The following ANO3 variants were observed in gnomAD, a reference collection of about 807,000 sequenced individuals.
ANO3 encodes anoctamin-3.
ANO3 carries 99 observed loss-of-function variants against 144.8 expected under a neutral mutation model. The observed-to-expected ratio is 0.68, with a 90% CI of 0.58 to 0.81. The LOEUF is 0.81. ANO3 is among the 30% of genes least tolerant of loss of function. The pLI is 0.00. For synonymous variants in ANO3, 414 were observed against 392.6 expected (o/e 1.05, Z -0.64); for missense variants, 905 against 1,202.2 (o/e 0.75, Z 3.66).
At chr11:26,460,170 ATTAT>A (rs1165830846) in intron 3 of ANO3, 1 of 397,594 alleles carries the variant, frequency 2.5e-6, no homozygotes, top group South Asian at 1.9e-5. Context: ...ATACTCTAAT[ATTAT>A]TTGTTTTCTT....
chr11:26,435,096 C>T (rs568130685), intron 1 of ANO3, among the ~76,000 whole-genome samples: 40 of 152,122 alleles, frequency 2.6e-4, no homozygotes, highest in African/African-American at 1.7e-4. Flanking sequence ...TGAATCTGGG[C>T]GCTCCTATTT....
intron 15 of ANO3, 28 bp downstream of exon 15, chr11:26,598,475 G>T: frequency 1.4e-6 from 2 of 1,471,682 alleles, no homozygotes; most frequent in South Asian, 1.2e-5. Flanking sequence ...AAGGAAATAG[G>T]GAAACTGGGC....
intron 4 of ANO3, among the ~76,000 whole-genome samples, chr11:26,493,394 G>T (rs964229383): frequency 6.6e-6 from 1 of 151,986 alleles, no homozygotes; most frequent in Non-Finnish European, 1.5e-5. Context: ...ACAGTTCCAG[G>T]GCCAATATTG....
chr11:26,597,562 A>C (rs1851671722), intron 14 of ANO3, among the ~76,000 whole-genome samples: 1 of 152,156 alleles, frequency 6.6e-6, no homozygotes, highest in Admixed American at 6.5e-5. Context: ...GACAGCAAGC[A>C]AAAGCTCAGC....
At position 26,237,589 on chromosome 11, in the gene ANO3, T is replaced by C. The variant is rs577710167; in HGVS notation, c.154+48259T>C. On this transcript the variant is annotated intron_variant, in intron 1 of 27. Coordinates refer to the ANO3 transcript ENST00000672621. Reference sequence around the variant, plus strand: ...TGATTCTAAAATGTATCTGAAGATTTTGTTCTTCTAAATAAGCATTAGCCA... The same window carrying C: ...TGATTCTAAAATGTATCTGAAGATTCTGTTCTTCTAAATAAGCATTAGCCA... Among the ~76,000 whole-genome samples, 12 of 152,090 alleles carry C rather than the reference T, an allele frequency of 7.9e-5. No individual in the cohort carries two copies. The East Asian group carries it at 1.9e-3, about 24-fold the overall frequency.
chr11:26,547,671 C>G, intron 12 of ANO3, 121 bp downstream of exon 12: 1 of 1,004,638 alleles, frequency 1.0e-6, no homozygotes, highest in Non-Finnish European at 1.4e-6. Context: ...AATTTATTTG[C>G]TATTTCTGTT....
intron 1 of ANO3, among the ~76,000 whole-genome samples, chr11:26,341,726 C>T (rs1472964410): frequency 1.3e-5 from 2 of 152,104 alleles, no homozygotes; most frequent in Admixed American, 1.3e-4. Context: ...AGTCCGAGTC[C>T]CAAAACCTCA....
chr11:26,505,811 A>C (rs978729429), intron 4 of ANO3, among the ~76,000 whole-genome samples: 1 of 151,716 alleles, frequency 6.6e-6, no homozygotes, highest in African/African-American at 2.4e-5. Flanking sequence ...TGTCTACTAA[A>C]AATCCAAAAA....
chr11:26,311,883 G>T (rs1008112122), intron 1 of ANO3, among the ~76,000 whole-genome samples: 1 of 152,064 alleles, frequency 6.6e-6, no homozygotes, highest in Admixed American at 6.6e-5. Flanking sequence ...AAGTTCTAGG[G>T]TACATGTGCA....
chr11:26,386,423 A>G (rs1000440951), intron 1 of ANO3, among the ~76,000 whole-genome samples: 4 of 152,168 alleles, frequency 2.6e-5, no homozygotes, highest in African/African-American at 9.7e-5. Flanking sequence ...GGAGGGAGGA[A>G]GTTTAATGAG....
intron 1 of ANO3, among the ~76,000 whole-genome samples, chr11:26,340,998 C>A (rs540035027): frequency 5.3e-5 from 8 of 152,192 alleles, no homozygotes; most frequent in African/African-American, 1.7e-4. Context: ...CAAATGCTGT[C>A]AATTCTTTAT....
intron 1 of ANO3, among the ~76,000 whole-genome samples, chr11:26,246,704 T>C (rs988521563): frequency 6.6e-5 from 10 of 152,054 alleles, no homozygotes; most frequent in African/African-American, 2.2e-4. Context: ...AATCCTCGTG[T>C]GTGGCAGAGA....
intron 4 of ANO3, among the ~76,000 whole-genome samples, chr11:26,476,928 TGTGTGA>T (rs765377893): frequency 2.0e-3 from 294 of 145,784 alleles, no homozygotes; most frequent in Middle Eastern, 0.014. Flanking sequence ...TGTGTGTGTG[TGTGTGA>T]GAGAGAGAGA....
intron 8 of ANO3, 37 bp from the exon 9 acceptor site, chr11:26,534,419 T>C (rs1849451439): frequency 7.3e-7 from 1 of 1,374,504 alleles, no homozygotes; most frequent in Non-Finnish European, 1.0e-6. Flanking sequence ...TTCTGTGTTC[T>C]GCTTTGAATA....
At chr11:26,551,567 C>G (rs556008510) in intron 12 of ANO3, among the ~76,000 whole-genome samples, 1 of 151,934 alleles carries the variant, frequency 6.6e-6, no homozygotes, top group Non-Finnish European at 1.5e-5. Context: ...AGACTTGGTG[C>G]TTCAATAAAT....
intron 1 of ANO3, among the ~76,000 whole-genome samples, chr11:26,282,765 T>C (rs1853708638): frequency 1.3e-5 from 2 of 152,174 alleles, no homozygotes; most frequent in Admixed American, 6.5e-5. Context: ...CTCAGTAGTC[T>C]TAAATTTGGG....
intron 1 of ANO3, among the ~76,000 whole-genome samples, chr11:26,241,583 T>G (rs1299223578): frequency 6.6e-6 from 1 of 152,190 alleles, no homozygotes; most frequent in Non-Finnish European, 1.5e-5. Context: ...TACTGTTTAG[T>G]AAGAAAGATA....
chr11:26,259,104 G>T (rs768367528), intron 1 of ANO3, among the ~76,000 whole-genome samples: 1 of 152,106 alleles, frequency 6.6e-6, no homozygotes, highest in African/African-American at 2.4e-5. Context: ...TATTCCTCTG[G>T]CCATAATACT....
intron 1 of ANO3, among the ~76,000 whole-genome samples, chr11:26,323,779 G>A (rs1433970644): frequency 6.6e-6 from 1 of 152,036 alleles, no homozygotes; most frequent in African/African-American, 2.4e-5. Context: ...TTAGAATTCT[G>A]GAAATCAATC....
Sources: allele counts gnomAD v4.1 joint callset (sites outside exome capture counted in the v4.1 genomes callset), GRCh38; gene constraint gnomAD v4.1.1; transcripts MANE v1.5; gene names NCBI Gene and HGNC (gene_info 2026-07-23, HGNC 2026-07-21).